The following MINDY4B variants were observed in gnomAD, a reference collection of about 807,000 sequenced individuals.
MINDY4B encodes the protein inactive ubiquitin carboxyl-terminal hydrolase MINDY-4B.
MINDY4B carries 25 observed loss-of-function variants against 16.7 expected under a neutral mutation model. The observed-to-expected ratio is 1.49, with a 90% CI of 1.09 to 2.09. The LOEUF (loss-of-function observed/expected upper bound fraction) is 2.09, where lower values mean the gene tolerates loss of function less well. MINDY4B is among the 30% of genes most tolerant of loss of function. The pLI is 0.00. For synonymous variants in MINDY4B, 132 were observed against 61.9 expected (o/e 2.13, Z -5.32); for missense variants, 327 against 168.4 (o/e 1.94, Z -5.21).
chr3:150,897,612 A>T (rs529815332), intron 3 of MINDY4B, among the ~76,000 whole-genome samples: 1 of 152,222 alleles, frequency 6.6e-6, no homozygotes, highest in Non-Finnish European at 1.5e-5. Context: ...TGCATCTGTA[A>T]TGTTCTTCCT....
chr3:150,903,305 G>A lies in MINDY4B; in HGVS notation c.253C>T (p.Pro85Ser), dbSNP rs1231195581. ...CCCAATTTTGAAGAGATGATAGAGG[G>A]GTTGGGAATAGAACAAAGGCCACTT... ...PSSGLCSIPNPSIISSKLGGF... is the reference protein window; with the variant it reads ...PSSGLCSIPNSSIISSKLGGF... The change falls in exon 3 of 12, where the codon CCC (proline) becomes TCC (serine). Residue 85 changes from proline to serine, a missense_variant. Transcript: ENST00000465419. 9 of 398,400 alleles carry A rather than the reference G, an allele frequency of 2.3e-5. No individual in the cohort carries two copies. Among genetic ancestry groups the A allele is most frequent in the Non-Finnish European group, 1.3e-5 (3 of 226,040 alleles). 24.7% of individuals were successfully genotyped at this position (398,400 alleles called of 1,614,324 possible).
intron 10 of MINDY4B, among the ~76,000 whole-genome samples, chr3:150,879,633 C>G (rs1559964682): frequency 6.6e-6 from 1 of 152,168 alleles, no homozygotes; most frequent in Non-Finnish European, 1.5e-5. Flanking sequence ...TGTGGGGGCC[C>G]TCGTTCAAAC....
chr3:150,893,772 C>A (rs1013030318), intron 4 of MINDY4B, among the ~76,000 whole-genome samples: 2 of 151,768 alleles, frequency 1.3e-5, no homozygotes, highest in Non-Finnish European at 2.9e-5. Context: ...CTCACTGCAA[C>A]TTCCACCCCC....
intron 4 of MINDY4B, among the ~76,000 whole-genome samples, chr3:150,893,669 T>TGTCCCTGCTTCATAGTA (rs1711878428): frequency 7.5e-6 from 1 of 133,046 alleles, no homozygotes; most frequent in Non-Finnish European, 1.6e-5. Context: ...GCCTTCACCA[T>TGTCCCTGCTTCATAGTA]GTCCCTGCTT....
At chr3:150,888,607 G>A (rs114740815) in intron 7 of MINDY4B, among the ~76,000 whole-genome samples, 406 of 152,304 alleles carry the variant, frequency 2.7e-3, no homozygotes, top group African/African-American at 9.2e-3. Context: ...CCCCGTCTCA[G>A]TGAGGTCCTT....
intron 7 of MINDY4B, among the ~76,000 whole-genome samples, chr3:150,886,679 T>C (rs1711630559): frequency 6.6e-6 from 1 of 152,214 alleles, no homozygotes; most frequent in Non-Finnish European, 1.5e-5. Context: ...TTTTCCAGCT[T>C]CTAGAAGTCA....
At chr3:150,903,171 A>ACAT in intron 3 of MINDY4B, 78 bp downstream of exon 3, 1 of 397,812 alleles carries the variant, frequency 2.5e-6, no homozygotes, top group East Asian at 3.6e-5. Flanking sequence ...CTCACATGGC[A>ACAT]GGAGATAAGA....
At chr3:150,905,187 GTC>G (rs1712211022) in intron 1 of MINDY4B, 98 bp from the exon 2 acceptor site, 5 of 398,230 alleles carry the variant, frequency 1.3e-5, no homozygotes, top group African/African-American at 2.1e-5. Flanking sequence ...GGAAGTCTCT[GTC>G]CACGAATAGT....
rs1447479766 is a variant in MINDY4B, at chr3:150,890,399, A to G, written c.688-14T>C. 1 of 618,344 alleles carries G rather than the reference A, an allele frequency of 1.6e-6. No homozygotes were observed. The highest frequency in any genetic ancestry group is 1.9e-5 in the South Asian group (1 of 53,414). 38.3% of individuals were successfully genotyped at this position (618,344 alleles called of 1,614,324 possible). A position where few individuals can be genotyped will look rare whatever the true frequency, so the allele number is the denominator to read the frequency against. On this transcript the variant is annotated splice_polypyrimidine_tract_variant and intron_variant, in intron 6 of 11. Coordinates refer to ENST00000465419, the MANE Select transcript of MINDY4B (RefSeq NM_001351281.2). Reference sequence around the variant, plus strand: ...AAACAGCTGGAGCTATAAATCAGGAACAGAAGATAAAAATGAAAAGGAAGA... The same window carrying G: ...AAACAGCTGGAGCTATAAATCAGGAGCAGAAGATAAAAATGAAAAGGAAGA...
rs758971731 is a variant in MINDY4B at position 150,873,291 on chromosome 3, C to CA, written c.1135dup (p.Cys379LeufsTer17). 21 of 702,454 alleles carry CA rather than the reference C, an allele frequency of 3.0e-5. No homozygotes were observed. Among genetic ancestry groups the CA allele is most frequent in the Admixed American group, 6.0e-5 (3 of 49,940 alleles). The allele number at this position is 702,454 out of a possible 1,614,324, so 43.5% of individuals were successfully genotyped here. A position where few individuals can be genotyped will look rare whatever the true frequency, so the allele number is the denominator to read the frequency against. On this transcript the variant is annotated frameshift_variant, in exon 11 of 12. Coordinates refer to ENST00000465419, the MANE Select transcript of MINDY4B (RefSeq NM_001351281.2). LOFTEE classifies it high-confidence loss of function. Reference sequence around the variant, plus strand: ...GTCTGATAAGAGCTGCCTGTTTGTGCAAAAAAGGATGCTGTAATTTCCATT... The same window carrying CA: ...GTCTGATAAGAGCTGCCTGTTTGTGCAAAAAAAGGATGCTGTAATTTCCATT...
At chr3:150,879,666 T>C (rs561003568) in intron 10 of MINDY4B, among the ~76,000 whole-genome samples, 1 of 152,316 alleles carries the variant, frequency 6.6e-6, no homozygotes, top group Non-Finnish European at 1.5e-5. Flanking sequence ...AAGACAGTGA[T>C]ACCAGACACT....
chr3:150,889,753 T>G (rs1466112398), intron 7 of MINDY4B, among the ~76,000 whole-genome samples: 1 of 152,202 alleles, frequency 6.6e-6, no homozygotes, highest in African/African-American at 2.4e-5. Context: ...AAATCAGCTT[T>G]TATTTCTTTC....
intron 2 of MINDY4B, among the ~76,000 whole-genome samples, chr3:150,903,768 C>G (rs557013613): frequency 6.6e-6 from 1 of 152,260 alleles, no homozygotes; most frequent in East Asian, 1.9e-4. Flanking sequence ...ACGAATCTTT[C>G]CAGTTTACAC....
At chr3:150,873,439 C>A in intron 10 of MINDY4B, 72 bp from the exon 11 acceptor site, 1 of 654,952 alleles carries the variant, frequency 1.5e-6, no homozygotes, top group Admixed American at 2.3e-5. Context: ...GATACATGAT[C>A]GCGACCAAAA....
At chr3:150,902,102 G>A (rs777339482) in intron 3 of MINDY4B, among the ~76,000 whole-genome samples, 8 of 152,118 alleles carry the variant, frequency 5.3e-5, no homozygotes, top group Admixed American at 3.9e-4. Flanking sequence ...TGGTTTCCCC[G>A]GAAGAAGTTT....
intron 4 of MINDY4B, among the ~76,000 whole-genome samples, chr3:150,893,638 A>G (rs185754813): frequency 7.4e-6 from 1 of 134,900 alleles, no homozygotes; most frequent in Non-Finnish European, 1.5e-5. Flanking sequence ...GTGACTGGGG[A>G]TGTATGGCTT....
intron 7 of MINDY4B, among the ~76,000 whole-genome samples, chr3:150,888,549 A>G (rs1711690299): frequency 6.6e-6 from 1 of 152,080 alleles, no homozygotes; most frequent in African/African-American, 2.4e-5. Flanking sequence ...TTGATAGTTG[A>G]TGGGGGATTG....
intron 8 of MINDY4B, 78 bp from the exon 9 acceptor site, chr3:150,883,850 A>T (rs966794147): frequency 2.9e-6 from 2 of 690,454 alleles, no homozygotes; most frequent in South Asian, 3.0e-5. Context: ...CCCCCAAAAC[A>T]CAAAGCAGCA....
At chr3:150,874,871 A>G (rs1717055699) in intron 10 of MINDY4B, among the ~76,000 whole-genome samples, 1 of 152,220 alleles carries the variant, frequency 6.6e-6, no homozygotes, top group African/African-American at 2.4e-5. Context: ...TGAATCAGAG[A>G]TGCTTTTGTC....
Sources: gnomAD v4.1 joint callset for allele counts (sites outside exome capture counted in the v4.1 genomes callset) on GRCh38, gnomAD v4.1.1 for gene constraint, MANE v1.5 for transcripts, NCBI Gene and HGNC (gene_info 2026-07-23, HGNC 2026-07-21) for gene names.